The following CLASP1 variants were observed in gnomAD, a reference collection of about 807,000 sequenced individuals.
CLASP1 encodes CLIP-associating protein 1.
A neutral mutation model predicts 192.3 loss-of-function variants in CLASP1; 38 were observed. That is an observed-to-expected ratio of 0.20 (90% CI 0.15 to 0.26). The LOEUF (loss-of-function observed/expected upper bound fraction) is 0.26. Among genes scored for constraint, CLASP1 ranks in the 10% least tolerant of loss-of-function variants. The pLI is 1.00. For synonymous variants in CLASP1, 691 were observed against 712.8 expected (o/e 0.97, Z 0.49); for missense variants, 1,433 against 1,932.5 (o/e 0.74, Z 4.85).
intron 3 of CLASP1, 52 bp from the exon 4 acceptor site, chr2:121,528,832 G>A: frequency 1.5e-6 from 2 of 1,366,684 alleles, no homozygotes; most frequent in Non-Finnish European, 1.0e-6. Flanking sequence ...GGGGGTCTGT[G>A]GTCACCAAGT....
intron 22 of CLASP1, among the ~76,000 whole-genome samples, chr2:121,421,794 C>T (rs1411297192): frequency 2.6e-5 from 4 of 151,990 alleles, no homozygotes; most frequent in South Asian, 2.1e-4. Flanking sequence ...TCATCCACCT[C>T]GGCCTCCCGA....
intron 9 of CLASP1, 134 bp from the exon 10 acceptor site, chr2:121,462,739 AACTTTG>A: frequency 1.6e-6 from 1 of 615,940 alleles, no homozygotes; most frequent in Non-Finnish European, 2.9e-6. Flanking sequence ...GGCTTCATAT[AACTTTG>A]AAGTGTCATG....
intron 36 of CLASP1, among the ~76,000 whole-genome samples, chr2:121,363,688 A>G (rs1037845879): frequency 7.9e-5 from 12 of 152,188 alleles, no homozygotes; most frequent in Non-Finnish European, 1.8e-4. Context: ...AATGTATGAA[A>G]GAATGTGTAT....
At chr2:121,384,125 C>CAT in intron 32 of CLASP1, among the ~76,000 whole-genome samples, 1 of 133,478 alleles carries the variant, frequency 7.5e-6, no homozygotes, top group East Asian at 2.0e-4. Context: ...TATATACACA[C>CAT]ATATATATGT....
chr2:121,439,216 T>C (rs549129858), intron 19 of CLASP1, among the ~76,000 whole-genome samples: 1 of 151,912 alleles, frequency 6.6e-6, no homozygotes, highest in East Asian at 1.9e-4. Flanking sequence ...TTGATTCTTC[T>C]TTTTTTCTTT....
chr2:121,555,219 C>T (rs894747950), intron 2 of CLASP1, among the ~76,000 whole-genome samples: 1 of 152,188 alleles, frequency 6.6e-6, no homozygotes, highest in Non-Finnish European at 1.5e-5. Context: ...CGCATGCTCC[C>T]GTCTGCAGCA....
At chr2:121,450,876 A>T (rs1216213055) in intron 16 of CLASP1, 37 bp downstream of exon 16, 2 of 1,350,204 alleles carry the variant, frequency 1.5e-6, no homozygotes, top group Non-Finnish European at 2.1e-6. Flanking sequence ...AATATAGAAG[A>T]AGTTAATTTA....
At chr2:121,485,193 T>G (rs982500365) in intron 8 of CLASP1, among the ~76,000 whole-genome samples, 2 of 152,132 alleles carry the variant, frequency 1.3e-5, no homozygotes, top group African/African-American at 4.8e-5. Context: ...GACATGGAAT[T>G]TAAGAGTAGG....
intron 37 of CLASP1, among the ~76,000 whole-genome samples, chr2:121,362,293 C>A (rs1006060530): frequency 2.6e-5 from 4 of 152,232 alleles, no homozygotes; most frequent in Non-Finnish European, 4.4e-5. Context: ...CTGGACAGCT[C>A]CTGCCACCTC....
chr2:121,611,759 T>TGGA (rs1288937666), intron 1 of CLASP1, among the ~76,000 whole-genome samples: 4 of 107,710 alleles, frequency 3.7e-5, no homozygotes, highest in African/African-American at 1.0e-4. Context: ...AAAGAGGAAC[T>TGGA]GGAGGAGGAG....
At position 121,344,455 on chromosome 2, in the gene CLASP1, C is replaced by T. The variant is rs551080925; in HGVS notation, c.4530+2583G>A. Among the ~76,000 whole-genome samples the T allele has an allele frequency of 3.9e-5, 6 of 152,188 alleles. No individual in the cohort carries two copies. The South Asian group carries it at 1.2e-3, about 32-fold the overall frequency. ...CAAGCGATTCTCCTGCCTCGGCCTC[C>T]TGAGTAGCTGGGATTACAGACATGT... On this transcript the variant is annotated intron_variant, in intron 39 of 39. Transcript: ENST00000263710.
intron 2 of CLASP1, among the ~76,000 whole-genome samples, chr2:121,593,138 C>T (rs1432454548): frequency 6.6e-6 from 1 of 152,152 alleles, no homozygotes; most frequent in African/African-American, 2.4e-5. Context: ...GAAGAGATAT[C>T]GTGTGCCTCC....
intron 19 of CLASP1, among the ~76,000 whole-genome samples, chr2:121,441,562 C>T (rs1416876107): frequency 6.6e-6 from 1 of 151,882 alleles, no homozygotes; most frequent in Admixed American, 6.6e-5. Flanking sequence ...CCCATCTCTA[C>T]AAAAAAATTG....
intron 1 of CLASP1, among the ~76,000 whole-genome samples, chr2:121,628,720 T>C (rs2068865323): frequency 6.6e-6 from 1 of 151,648 alleles, no homozygotes; most frequent in Non-Finnish European, 1.5e-5. Flanking sequence ...AAATAAACAC[T>C]TTAATGCACT....
chr2:121,482,620 G>C (rs1252414648), intron 8 of CLASP1, among the ~76,000 whole-genome samples: 1 of 152,132 alleles, frequency 6.6e-6, no homozygotes, highest in African/African-American at 2.4e-5. Context: ...GCACCCTAGG[G>C]GGTGAATTAG....
chr2:121,461,679 C>T (rs551267791), intron 10 of CLASP1, among the ~76,000 whole-genome samples: 2 of 152,106 alleles, frequency 1.3e-5, no homozygotes, highest in South Asian at 2.1e-4. Flanking sequence ...AACCTGAACC[C>T]GAGATTGTTT....
chr2:121,363,285 G>A (rs1039000170), exon 37 of CLASP1: 1 of 1,613,860 alleles, frequency 6.2e-7, no homozygotes, highest in Non-Finnish European at 8.5e-7. Context: ...CTTAACGCCA[G>A]TGCTCGAATT....
intron 28 of CLASP1, among the ~76,000 whole-genome samples, chr2:121,400,447 G>T (rs1574342903): frequency 6.6e-6 from 1 of 152,296 alleles, no homozygotes; most frequent in East Asian, 1.9e-4. Flanking sequence ...GGAGATGCCG[G>T]CAGGGCAGGA....
intron 2 of CLASP1, among the ~76,000 whole-genome samples, chr2:121,557,959 T>C (rs920922473): frequency 2.0e-5 from 3 of 150,472 alleles, no homozygotes; most frequent in African/African-American, 7.3e-5. Context: ...TGGGCACCTG[T>C]AATCCCAGCT....
Sources: allele counts gnomAD v4.1 joint callset (sites outside exome capture counted in the v4.1 genomes callset), GRCh38; gene constraint gnomAD v4.1.1; transcripts MANE v1.5; gene names NCBI Gene and HGNC (gene_info 2026-07-23, HGNC 2026-07-21).